Variants in C2orf69 observed in about 807,000 individuals in gnomAD.
The protein encoded by C2orf69 is chromosome 2 open reading frame 69.
In C2orf69, 19 loss-of-function variants were observed where a neutral mutation model predicts 29.5. The ratio of observed to expected loss-of-function variants is 0.65; its 90% CI spans 0.45 to 0.95. C2orf69 has a LOEUF of 0.95. Among genes scored for constraint, C2orf69 ranks in the 40% least tolerant of loss-of-function variants. The probability of loss-of-function intolerance (pLI) is 0.00; values close to 1 mark genes in which losing one functional copy is unlikely to be tolerated. For synonymous variants in C2orf69, 194 were observed against 180.0 expected (o/e 1.08, Z -0.62); for missense variants, 416 against 482.1 (o/e 0.86, Z 1.28).
At chr2:199,917,335 G>C (rs1431306079) in intron 1 of C2orf69, among the ~76,000 whole-genome samples, 3 of 152,190 alleles carry the variant, frequency 2.0e-5, no homozygotes, top group Non-Finnish European at 4.4e-5. Flanking sequence ...TGAACATTTG[G>C]CTCCTCGTTA....
intron 1 of C2orf69, among the ~76,000 whole-genome samples, chr2:199,918,766 C>T (rs1280674540): frequency 6.6e-6 from 1 of 152,142 alleles, no homozygotes; most frequent in Non-Finnish European, 1.5e-5. Flanking sequence ...CTAAAAAGTA[C>T]CTCCGTGCTC....
Position 199,927,900 on chromosome 2 carries a change from G to A in C2orf69, c.*2014G>A, listed in dbSNP as rs1246772837. 1 of 151,988 alleles carries A rather than the reference G, an allele frequency of 6.6e-6. No homozygotes were observed. Among genetic ancestry groups the A allele is most frequent in the Non-Finnish European group, 1.5e-5 (1 of 67,936 alleles). The allele number at this position is 151,988 out of a possible 1,614,324, so 9.4% of individuals were successfully genotyped here. The stretch of plus-strand genomic sequence containing the variant: ...ATTTAAAAATAATTTTAAAAAATCA[G>A]ACATATTTAAAAATCTAGGTTGTCT... On this transcript the variant is annotated 3_prime_UTR_variant, in exon 2 of 2. Coordinates refer to ENST00000319974, the MANE Select transcript of C2orf69 (RefSeq NM_153689.6).
At chr2:199,918,396 C>G (rs1170943921) in intron 1 of C2orf69, among the ~76,000 whole-genome samples, 3 of 151,992 alleles carry the variant, frequency 2.0e-5, no homozygotes, top group East Asian at 3.9e-4. Context: ...GAGTCTTGCT[C>G]TGTTGCCCAG....
chr2:199,925,538 G>C lies in C2orf69; in HGVS notation c.810G>C (p.Leu270Phe). 1 of 1,613,816 alleles carries C rather than the reference G, an allele frequency of 6.2e-7. No individual in the cohort carries two copies. Among genetic ancestry groups the C allele is most frequent in the Non-Finnish European group, 8.5e-7 (1 of 1,179,820 alleles). Residue 270 changes from leucine (L) to phenylalanine (F), a missense_variant, in exon 2 of 2, where the codon TTG becomes TTC. By Grantham distance (22) the Leu-to-Phe change is conservative. Coordinates refer to ENST00000319974, the MANE Select transcript of C2orf69 (RefSeq NM_153689.6). This position sits in a 1 kb window ranked among gnomAD's most constrained non-coding sequence, Gnocchi z 4.9. The part of the protein sequence containing the change: ...LIGFSKGCVV[L>F]NQLLFELKEA... ...GATTCAGTAAAGGTTGTGTTGTTTT[G>C]AATCAGTTGCTTTTTGAATTGAAAG...
intron 1 of C2orf69, among the ~76,000 whole-genome samples, chr2:199,920,441 A>G (rs183731966): frequency 9.2e-5 from 14 of 152,230 alleles, no homozygotes; most frequent in Admixed American, 5.2e-4. Context: ...AGCACCTTCT[A>G]TGTGGTAGGA....
At position 199,915,335 on chromosome 2, in the gene C2orf69, C is replaced by T. The variant is rs888632190; in HGVS notation, c.333+3564C>T. Among the ~76,000 whole-genome samples the T allele has an allele frequency of 3.9e-5, 6 of 152,208 alleles. No individual in the cohort carries two copies. The South Asian group carries it at 6.2e-4, about 16-fold the overall frequency. On this transcript the variant is annotated intron_variant, in intron 1 of 1. Transcript: ENST00000319974. ...CAGGGTCTCACTATGTTGCCCACTC[C>T]TGTGTTCAAGTGATCCTCCTGCCTC...
chr2:199,918,375 A>G (rs2077301540), intron 1 of C2orf69, among the ~76,000 whole-genome samples: 1 of 151,878 alleles, frequency 6.6e-6, no homozygotes, highest in Non-Finnish European at 1.5e-5. Flanking sequence ...TTATCATTAT[A>G]TTTTCAGACG....
intron 1 of C2orf69, among the ~76,000 whole-genome samples, chr2:199,919,303 A>G (rs540611371): frequency 1.3e-5 from 2 of 152,332 alleles, no homozygotes; most frequent in East Asian, 3.9e-4. Context: ...GTATGGATAT[A>G]TACTTTGTTT....
At position 199,925,609 on chromosome 2, in the gene C2orf69, G is replaced by C. The variant is rs1178079764; in HGVS notation, c.881G>C (p.Arg294Thr). 3 of 1,613,872 alleles carry C rather than the reference G, an allele frequency of 1.9e-6. No homozygotes were observed. The Middle Eastern group carries it at 5.0e-4, about 266-fold the overall frequency. ...ATAGATGCTTTTATCAAAAGCATAA[G>C]AACAATGTATTGGCTGGATGGTGGT... ...KNIDAFIKSI[R>T]TMYWLDGGHS... Residue 294 changes from arginine (R) to threonine (T), a missense_variant, in exon 2 of 2, where the codon AGA becomes ACA. Coordinates refer to ENST00000319974, the MANE Select transcript of C2orf69 (RefSeq NM_153689.6). This position sits in a 1 kb window ranked among gnomAD's most constrained non-coding sequence, Gnocchi z 4.9.
At chr2:199,917,505 C>T (rs1366444027) in intron 1 of C2orf69, among the ~76,000 whole-genome samples, 3 of 152,156 alleles carry the variant, frequency 2.0e-5, no homozygotes, top group Admixed American at 6.5e-5. Flanking sequence ...GGTCAAAGTT[C>T]CACAGATCTC....
intron 1 of C2orf69, among the ~76,000 whole-genome samples, chr2:199,921,606 C>T (rs2077316453): frequency 6.6e-6 from 1 of 151,972 alleles, no homozygotes; most frequent in Admixed American, 6.5e-5. Flanking sequence ...TTTTATGTTT[C>T]CAGTGAAAGT....
intron 1 of C2orf69, among the ~76,000 whole-genome samples, chr2:199,921,837 G>A (rs1304377901): frequency 1.3e-5 from 2 of 151,424 alleles, no homozygotes; most frequent in Non-Finnish European, 2.9e-5. Flanking sequence ...TGGTTATATG[G>A]ATGATTTTTC....
chr2:199,919,925 C>T (rs918810831), intron 1 of C2orf69, among the ~76,000 whole-genome samples: 3 of 152,156 alleles, frequency 2.0e-5, no homozygotes, highest in Non-Finnish European at 2.9e-5. Flanking sequence ...CCTAAAAATC[C>T]ATTGTTCGTT....
In C2orf69 at chr2:199,926,000, G is replaced by A; in HGVS notation, c.*114G>A. 1.4e-6 allele frequency: 1 copy of A among 691,412 alleles called. No homozygotes were observed. The allele number at this position is 691,412 out of a possible 1,614,324, so 42.8% of individuals were successfully genotyped here. A position where few individuals can be genotyped will look rare whatever the true frequency, so the allele number is the denominator to read the frequency against. On this transcript the variant is annotated 3_prime_UTR_variant, in exon 2 of 2. Transcript: ENST00000319974. The surrounding 1 kb of genome is among the most constrained non-coding windows in gnomAD (Gnocchi z 4.9). ...GCTGCATTGTCAGTTTTGGGGTATG[G>A]GGGGAAGCACACATTCCTAAAATGT...
In C2orf69 at chr2:199,926,044, TA is replaced by T; in HGVS notation, c.*159del. ...AAAATGTGAGTGTAATGTGCAATAGTATTTTTTGCTTGTGAATGTGAGCAGT... is the reference window on the plus strand; with the variant it reads ...AAAATGTGAGTGTAATGTGCAATAGTTTTTTTGCTTGTGAATGTGAGCAGT... On this transcript the variant is annotated 3_prime_UTR_variant, in exon 2 of 2. Coordinates refer to ENST00000319974, the MANE Select transcript of C2orf69 (RefSeq NM_153689.6). 1.8e-6 allele frequency: 1 copy of T among 568,574 alleles called. No homozygotes were observed. The highest frequency in any genetic ancestry group is 3.1e-6 in the Non-Finnish European group (1 of 321,974). The allele number at this position is 568,574 out of a possible 1,614,324, so 35.2% of individuals were successfully genotyped here. A position where few individuals can be genotyped will look rare whatever the true frequency, so the allele number is the denominator to read the frequency against.
chr2:199,916,849 G>A (rs1340855291), intron 1 of C2orf69, among the ~76,000 whole-genome samples: 1 of 152,210 alleles, frequency 6.6e-6, no homozygotes, highest in Admixed American at 6.5e-5. Context: ...GGCACACGGT[G>A]CAAGCTGTTG....
intron 1 of C2orf69, among the ~76,000 whole-genome samples, chr2:199,920,112 C>T (rs143950317): frequency 6.6e-6 from 1 of 152,252 alleles, no homozygotes; most frequent in African/African-American, 2.4e-5. Flanking sequence ...CATTGCATTC[C>T]CAACTAGGAT....
intron 1 of C2orf69, among the ~76,000 whole-genome samples, chr2:199,915,959 T>A (rs1204145028): frequency 6.6e-6 from 1 of 152,228 alleles, no homozygotes; most frequent in Non-Finnish European, 1.5e-5. Flanking sequence ...ATGTCCTTTT[T>A]AAAAATTCTG....
intron 1 of C2orf69, among the ~76,000 whole-genome samples, chr2:199,912,118 G>A (rs2077266024): frequency 2.0e-5 from 3 of 152,218 alleles, no homozygotes. Context: ...CCGTGTGTGT[G>A]TGTTGGGCAG....
Sources: allele counts gnomAD v4.1 joint callset (sites outside exome capture counted in the v4.1 genomes callset), GRCh38; gene constraint gnomAD v4.1.1; non-coding constraint Gnocchi (gnomAD v3.1); transcripts MANE v1.5; gene names NCBI Gene and HGNC (gene_info 2026-07-23, HGNC 2026-07-21).